Variants in HIP1 observed in about 807,000 individuals in gnomAD.
HIP1 encodes huntingtin interacting protein 1.
In HIP1, 65 loss-of-function variants were observed where a neutral mutation model predicts 147.6. The ratio of observed to expected loss-of-function variants is 0.44; its 90% CI spans 0.36 to 0.54. The LOEUF is 0.54. Among genes scored for constraint, HIP1 ranks in the 20% least tolerant of loss-of-function variants. The probability of loss-of-function intolerance (pLI) is 0.00; values close to 1 mark genes in which losing one functional copy is unlikely to be tolerated. For missense variants in HIP1, 1,061 were observed against 1,299.6 expected (o/e 0.82, Z 2.82); for synonymous variants, 479 against 504.0 (o/e 0.95, Z 0.67).
chr7:75,711,857 T>C (rs1801175513), intron 1 of HIP1, among the ~76,000 whole-genome samples: 1 of 152,146 alleles, frequency 6.6e-6, no homozygotes, highest in Non-Finnish European at 1.5e-5. Flanking sequence ...AGAGGGCTCC[T>C]CCACCAGTCC....
In HIP1 at chr7:75,658,542, G is replaced by T. The variant is rs542566362; in HGVS notation, c.121-59295C>A. Among the ~76,000 whole-genome samples, 11 of 152,236 alleles carry T rather than the reference G, an allele frequency of 7.2e-5. 1 individual carries two copies. The highest frequency in any genetic ancestry group is 2.6e-4 in the African/African-American group (11 of 41,560). The stretch of plus-strand genomic sequence containing the variant: ...CTGAATTTTGCGGGCAGGAAAGGAG[G>T]CACAGAGGTCGCTGGGTTTGGGTAT... On this transcript the variant is annotated intron_variant, in intron 1 of 30. Coordinates refer to ENST00000336926, the MANE Select transcript of HIP1 (RefSeq NM_005338.7).
chr7:75,723,821 T>C (rs1801568865), intron 1 of HIP1, among the ~76,000 whole-genome samples: 1 of 152,124 alleles, frequency 6.6e-6, no homozygotes, highest in African/African-American at 2.4e-5. Context: ...TTCTGCCATG[T>C]AGAAGGCCTC....
intron 1 of HIP1, among the ~76,000 whole-genome samples, chr7:75,614,704 A>G (rs1333607949): frequency 1.3e-5 from 2 of 152,172 alleles, no homozygotes; most frequent in Non-Finnish European, 2.9e-5. Flanking sequence ...TGAATTTGTT[A>G]CAATAGCGAA....
At chr7:75,596,520 G>A (rs1796753252) in intron 2 of HIP1, among the ~76,000 whole-genome samples, 1 of 152,100 alleles carries the variant, frequency 6.6e-6, no homozygotes, top group African/African-American at 2.4e-5. Context: ...CCAAGTAGCT[G>A]GGATTACAGG....
At chr7:75,717,494 T>C (rs1801355398) in intron 1 of HIP1, among the ~76,000 whole-genome samples, 1 of 151,860 alleles carries the variant, frequency 6.6e-6, no homozygotes, top group Non-Finnish European at 1.5e-5. Flanking sequence ...TTATCTTCCA[T>C]AATGGCAGGT....
chr7:75,649,817 C>T (rs1697296004), intron 1 of HIP1, among the ~76,000 whole-genome samples: 1 of 152,196 alleles, frequency 6.6e-6, no homozygotes, highest in South Asian at 2.1e-4. Flanking sequence ...AATTTCCAAG[C>T]TCCCACCTGG....
chr7:75,551,500 C>T (rs1554492136), intron 22 of HIP1, among the ~76,000 whole-genome samples: 1 of 150,246 alleles, frequency 6.7e-6, no homozygotes, highest in African/African-American at 2.5e-5. Flanking sequence ...CAGGCGTGAG[C>T]CACCACACCT....
At chr7:75,726,830 C>T (rs1200192342) in intron 1 of HIP1, among the ~76,000 whole-genome samples, 1 of 151,430 alleles carries the variant, frequency 6.6e-6, no homozygotes, top group Non-Finnish European at 1.5e-5. Flanking sequence ...GCACGCCCCA[C>T]CATGCCTGCC....
At position 75,582,155 on chromosome 7, in the gene HIP1, G is replaced by T. The variant is rs781784097; in HGVS notation, c.466-4C>A. On this transcript the variant is annotated splice_polypyrimidine_tract_variant and splice_region_variant and intron_variant, in intron 5 of 30. Transcript: ENST00000336926. ...GGTTGCCTGGGAACCTGGGATTCTG[G>T]AAGGGAGGCAGAGGAAGGGAGTCAG... is the stretch of plus-strand genomic sequence containing the variant. 2.5e-6 allele frequency: 4 copies of T among 1,613,138 alleles called. No homozygotes were observed. The highest frequency in any genetic ancestry group is 3.4e-6 in the Non-Finnish European group (4 of 1,179,290).
intron 1 of HIP1, among the ~76,000 whole-genome samples, chr7:75,713,112 C>T (rs1801208048): frequency 6.6e-6 from 1 of 152,184 alleles, no homozygotes; most frequent in Non-Finnish European, 1.5e-5. Flanking sequence ...CAGGGCCATC[C>T]CTGAAAAGGG....
chr7:75,550,700 C>T (rs1794749070), intron 22 of HIP1, among the ~76,000 whole-genome samples: 1 of 152,144 alleles, frequency 6.6e-6, no homozygotes, highest in Non-Finnish European at 1.5e-5. Context: ...AGACATGTGC[C>T]ACTATGCCTG....
intron 28 of HIP1, 86 bp from the exon 29 acceptor site, chr7:75,542,066 G>A: frequency 9.3e-7 from 1 of 1,078,750 alleles, no homozygotes; most frequent in Non-Finnish European, 1.4e-6. Flanking sequence ...ATGCTCTGTG[G>A]AAACGCCTGG....
chr7:75,619,985 C>T (rs1797792089), intron 1 of HIP1, among the ~76,000 whole-genome samples: 1 of 152,198 alleles, frequency 6.6e-6, no homozygotes, highest in African/African-American at 2.4e-5. Context: ...CCAGATCTCT[C>T]TCTGGTCTTC....
intron 1 of HIP1, among the ~76,000 whole-genome samples, chr7:75,675,331 G>C (rs1214254563): frequency 1.3e-5 from 2 of 152,062 alleles, no homozygotes; most frequent in Non-Finnish European, 2.9e-5. Flanking sequence ...CTCCAGAGTA[G>C]CTGGGATTAC....
chr7:75,573,302 C>G (rs1277921949), intron 8 of HIP1, among the ~76,000 whole-genome samples: 2 of 152,212 alleles, frequency 1.3e-5, no homozygotes, highest in Non-Finnish European at 2.9e-5. Context: ...TCCATGGCCT[C>G]TTTTCTGCTG....
At chr7:75,666,348 T>A (rs1258148493) in intron 1 of HIP1, among the ~76,000 whole-genome samples, 1 of 151,894 alleles carries the variant, frequency 6.6e-6, no homozygotes, top group African/African-American at 2.4e-5. Context: ...TTTTGTACAT[T>A]CAGTAGAGAC....
At chr7:75,659,137 A>G (rs564460079) in intron 1 of HIP1, among the ~76,000 whole-genome samples, 1 of 152,270 alleles carries the variant, frequency 6.6e-6, no homozygotes, top group South Asian at 2.1e-4. Context: ...TGAAAGCTTT[A>G]TGGCAAACCA....
chr7:75,674,518 A>G (rs1322620516), intron 1 of HIP1, among the ~76,000 whole-genome samples: 3 of 62,960 alleles, frequency 4.8e-5, no homozygotes, highest in Admixed American at 1.7e-4. Context: ...TTTGAGACAG[A>G]GTCTCACTCT....
rs587768633 is a variant in HIP1, at chr7:75,621,429, G to A, written c.121-22182C>T. On this transcript the variant is annotated intron_variant, in intron 1 of 30. Coordinates refer to ENST00000336926, the MANE Select transcript of HIP1 (RefSeq NM_005338.7). ...CACTGGAAGTGGTTTTGTTTTTTGCGGTTTTTGGTAAAGACGGGGTCTTGC... is the reference window on the plus strand; with the variant it reads ...CACTGGAAGTGGTTTTGTTTTTTGCAGTTTTTGGTAAAGACGGGGTCTTGC... Among the ~76,000 whole-genome samples, 114 of 152,190 alleles carry A rather than the reference G, an allele frequency of 7.5e-4. 1 individual carries two copies. The highest frequency in any genetic ancestry group is 2.6e-3 in the African/African-American group (109 of 41,532).
Sources: allele counts gnomAD v4.1 joint callset (sites outside exome capture counted in the v4.1 genomes callset), GRCh38; gene constraint gnomAD v4.1.1; transcripts MANE v1.5; gene names NCBI Gene and HGNC (gene_info 2026-07-23, HGNC 2026-07-21).